NELL1: variants seen among roughly 807,000 people sequenced by gnomAD.
The protein encoded by NELL1 is neural EGFL like 1.
NELL1 carries 76 observed loss-of-function variants against 107.4 expected under a neutral mutation model. The ratio of observed to expected loss-of-function variants is 0.71; its 90% CI spans 0.59 to 0.86. The LOEUF (loss-of-function observed/expected upper bound fraction) is 0.86. Ranked by LOEUF, NELL1 falls within the 40% of genes least tolerant of loss-of-function variation. The pLI is 0.00. For missense variants in NELL1, 1,024 were observed against 1,005.5 expected (o/e 1.02, Z -0.25); for synonymous variants, 353 against 341.2 (o/e 1.03, Z -0.38).
rs566920052 is a variant in NELL1 at position 21,141,192 on chromosome 11, T to A, written c.1426+27478T>A. On this transcript the variant is annotated intron_variant, in intron 13 of 19. Transcript: ENST00000357134. The stretch of plus-strand genomic sequence containing the variant: ...AATCTTGCTTGATTAAACTAAGTGA[T>A]CTTGACAATCAAATTTGAGATCTCA... Among the ~76,000 whole-genome samples, 17 of 152,304 alleles carry A rather than the reference T, an allele frequency of 1.1e-4. No individual in the cohort carries two copies. In the South Asian group the frequency reaches 3.5e-3, roughly 32 times the overall value.
At chr11:20,827,831 T>C (rs1189487311) in intron 3 of NELL1, among the ~76,000 whole-genome samples, 1 of 151,280 alleles carries the variant, frequency 6.6e-6, no homozygotes, top group African/African-American at 2.4e-5. Flanking sequence ...AAACACAATA[T>C]TCTCTGTGGG....
intron 7 of NELL1, among the ~76,000 whole-genome samples, chr11:20,925,219 G>A (rs1850467716): frequency 6.6e-6 from 1 of 152,066 alleles, no homozygotes. Flanking sequence ...CTAAAGCATT[G>A]CCAAATAACT....
intron 16 of NELL1, among the ~76,000 whole-genome samples, chr11:21,553,463 T>C (rs1856638146): frequency 6.6e-6 from 1 of 151,832 alleles, no homozygotes; most frequent in South Asian, 2.1e-4. Flanking sequence ...TTCCTTCACC[T>C]CTAACCTGCT....
chr11:20,944,862 A>G (rs1850930914), intron 10 of NELL1, among the ~76,000 whole-genome samples: 1 of 152,202 alleles, frequency 6.6e-6, no homozygotes, highest in African/African-American at 2.4e-5. Flanking sequence ...AGAACTGGTG[A>G]CTGATTTAAT....
intron 3 of NELL1, among the ~76,000 whole-genome samples, chr11:20,846,608 A>G (rs572572813): frequency 1.3e-5 from 2 of 152,342 alleles, no homozygotes; most frequent in South Asian, 4.1e-4. Flanking sequence ...CAGAAAGTGC[A>G]TACACTGTCA....
chr11:20,689,459 C>G, intron 2 of NELL1, among the ~76,000 whole-genome samples: 1 of 124,126 alleles, frequency 8.1e-6, no homozygotes, highest in Non-Finnish European at 1.7e-5. Context: ...CAACAGTCCC[C>G]AGAGTGTGAT....
chr11:21,084,638 A>C (rs151102203), intron 12 of NELL1, among the ~76,000 whole-genome samples: 139 of 152,256 alleles, frequency 9.1e-4, no homozygotes, highest in African/African-American at 3.3e-3. Context: ...CACCAGGGGC[A>C]TTTCCGGATG....
chr11:20,675,799 A>C (rs930271835), intron 1 of NELL1, among the ~76,000 whole-genome samples: 2 of 151,232 alleles, frequency 1.3e-5, no homozygotes, highest in South Asian at 2.1e-4. Context: ...TTTGATACAG[A>C]GTTTCACTCT....
intron 3 of NELL1, among the ~76,000 whole-genome samples, chr11:20,831,327 C>A (rs1858004051): frequency 6.6e-6 from 1 of 152,100 alleles, no homozygotes; most frequent in Non-Finnish European, 1.5e-5. Context: ...TGAATCAGAG[C>A]CTGCATTTTG....
chr11:21,199,783 G>T (rs1009540258), intron 13 of NELL1, among the ~76,000 whole-genome samples: 2 of 102,662 alleles, frequency 1.9e-5, no homozygotes, highest in Non-Finnish European at 3.7e-5. Context: ...TTCTCCTAAT[G>T]CTATCCCTCC....
chr11:21,559,063 C>T (rs938821313), intron 16 of NELL1, among the ~76,000 whole-genome samples: 9 of 152,010 alleles, frequency 5.9e-5, no homozygotes, highest in African/African-American at 2.2e-4. Context: ...AATGTCTTGA[C>T]TAAAGCTAAA....
intron 3 of NELL1, among the ~76,000 whole-genome samples, chr11:20,840,032 T>C (rs1244438587): frequency 6.6e-6 from 1 of 152,204 alleles, no homozygotes; most frequent in East Asian, 1.9e-4. Flanking sequence ...ATGAGAAAGG[T>C]ATCAAAGTAG....
chr11:21,498,875 C>A (rs1855060190), intron 15 of NELL1, among the ~76,000 whole-genome samples: 1 of 151,978 alleles, frequency 6.6e-6, no homozygotes, highest in African/African-American at 2.4e-5. Context: ...GTTTATTTGC[C>A]TTTCCCTAAT....
chr11:20,947,571 C>T (rs2134198775), intron 11 of NELL1, 136 bp downstream of exon 11: 1 of 638,186 alleles, frequency 1.6e-6, no homozygotes, highest in African/African-American at 1.8e-5. Context: ...GTTGCATATC[C>T]TATTTACCTC....
intron 5 of NELL1, among the ~76,000 whole-genome samples, chr11:20,898,424 G>T (rs1462909043): frequency 6.6e-5 from 10 of 151,958 alleles, no homozygotes; most frequent in Non-Finnish European, 7.4e-5. Context: ...CTGTCATGGG[G>T]TGGGGGGAAG....
chr11:21,152,254 G>T (rs770972643), intron 13 of NELL1, among the ~76,000 whole-genome samples: 1 of 152,160 alleles, frequency 6.6e-6, no homozygotes, highest in Non-Finnish European at 1.5e-5. Context: ...TGTGAAAAGT[G>T]TGTACTTTTA....
intron 8 of NELL1, among the ~76,000 whole-genome samples, chr11:20,927,869 G>A (rs1160377922): frequency 6.6e-6 from 1 of 152,048 alleles, no homozygotes; most frequent in Non-Finnish European, 1.5e-5. Flanking sequence ...TAATTGCAAG[G>A]CATTTCCTCC....
rs1379053065 is a variant in NELL1 at position 20,986,705 on chromosome 11, G to C, written c.1300+26145G>C. On this transcript the variant is annotated intron_variant, in intron 12 of 19. Coordinates refer to ENST00000357134, the MANE Select transcript of NELL1 (RefSeq NM_006157.5). ...ACATGCTTTTAGAATCACTGTTCTA[G>C]ACATTTGGGCACCTTTTTTTTTTCT... Among the ~76,000 whole-genome samples the C allele has an allele frequency of 4.6e-5, 7 of 151,952 alleles. 1 individual carries two copies. The South Asian group carries it at 8.3e-4, about 18-fold the overall frequency.
intron 2 of NELL1, among the ~76,000 whole-genome samples, chr11:20,761,807 C>T (rs925076234): frequency 1.6e-4 from 25 of 152,186 alleles, no homozygotes; most frequent in African/African-American, 5.3e-4. Context: ...AATAAAACCT[C>T]GAAACTTGAA....
Sources: allele counts gnomAD v4.1 joint callset (sites outside exome capture counted in the v4.1 genomes callset), GRCh38; gene constraint gnomAD v4.1.1; transcripts MANE v1.5; gene names NCBI Gene and HGNC (gene_info 2026-07-23, HGNC 2026-07-21).